Variants in KPNA2 observed in about 807,000 individuals in gnomAD.
KPNA2 encodes karyopherin subunit alpha 2.
Under a neutral mutation model 53.7 loss-of-function variants are expected in KPNA2, and 20 were observed. That is an observed-to-expected ratio of 0.37 (90% CI 0.26 to 0.54). KPNA2 has a LOEUF of 0.54. Ranked by LOEUF, KPNA2 falls within the 20% of genes least tolerant of loss-of-function variation. The pLI is 0.83. For synonymous variants in KPNA2, 238 were observed against 227.5 expected, an observed-to-expected ratio of 1.05 and a Z score of -0.42; for missense variants, 515 against 640.3, an observed-to-expected ratio of 0.80 and a Z score of 2.11.
At position 68,042,082 on chromosome 17, in the gene KPNA2, T is replaced by C; in HGVS notation, c.303-3T>C. 9 of 1,610,452 alleles carry C rather than the reference T, an allele frequency of 5.6e-6. No individual in the cohort carries two copies. The highest frequency in any genetic ancestry group is 7.6e-6 in the Non-Finnish European group (9 of 1,177,072). On this transcript the variant is annotated splice_polypyrimidine_tract_variant and splice_region_variant and intron_variant, in intron 4 of 10. Transcript: ENST00000330459. ...TTTTATTTCTCTTTTTGTTCCCCTT[T>C]AGGAAACTACTTTCCAGAGAAAAAC...
intron 3 of KPNA2, among the ~76,000 whole-genome samples, chr17:68,039,850 A>T (rs1293980036): frequency 3.3e-5 from 5 of 151,424 alleles, no homozygotes; most frequent in African/African-American, 1.2e-4. Context: ...AGGCAGGTGG[A>T]TCACCTGAGG....
chr17:68,043,004 G>GT lies in KPNA2; in HGVS notation c.666+7dup, dbSNP rs1468262261. 1 of 1,611,804 alleles carries GT rather than the reference G, an allele frequency of 6.2e-7. No homozygotes were observed. Among genetic ancestry groups the GT allele is most frequent in the Non-Finnish European group, 8.5e-7 (1 of 1,178,258 alleles). ...CCTGATATGTCATCTTTAGCAGTAA[G>GT]TTACTAACATGAGTAAAGTTACTCA... On this transcript the variant is annotated splice_donor_region_variant and intron_variant, in intron 6 of 10. Transcript: ENST00000330459.
intron 10 of KPNA2, 92 bp downstream of exon 10, chr17:68,046,013 C>A: frequency 2.5e-6 from 2 of 810,880 alleles, no homozygotes; most frequent in African/African-American, 1.7e-5. Flanking sequence ...AGTGTCATAT[C>A]TTTGTTAAAT....
intron 4 of KPNA2, 69 bp downstream of exon 4, chr17:68,040,835 G>T: frequency 2.5e-6 from 2 of 807,554 alleles, no homozygotes; most frequent in Non-Finnish European, 2.1e-6. Context: ...TTTGGGGGGT[G>T]GGGCAGGAAG....
intron 10 of KPNA2, 80 bp downstream of exon 10, chr17:68,046,001 TAA>T (rs1279914600): frequency 9.1e-6 from 8 of 877,338 alleles, no homozygotes; most frequent in Admixed American, 2.6e-5. Flanking sequence ...CTTTTAAAAA[TAA>T]GTGTCATATC....
At chr17:68,042,466 C>T in intron 5 of KPNA2, 113 bp downstream of exon 5, 1 of 1,125,704 alleles carries the variant, frequency 8.9e-7, no homozygotes, top group Non-Finnish European at 1.3e-6. Context: ...GCTTTCAAGC[C>T]CTTATTAGGA....
In KPNA2 at chr17:68,042,193, G is replaced by C; in HGVS notation, c.411G>C (p.Gln137His). Reference sequence around the variant, plus strand: ...GCAGAACTGATTGTAGTCCCATTCAGTTTGAATCTGCTTGGGCACTCACTA... The same window carrying C: ...GCAGAACTGATTGTAGTCCCATTCACTTTGAATCTGCTTGGGCACTCACTA... Reference protein sequence around the residue: ...FLGRTDCSPIQFESAWALTNI... With the variant: ...FLGRTDCSPIHFESAWALTNI... Residue 137 changes from glutamine to histidine, a missense_variant, in exon 5 of 11, where the codon CAG (glutamine) becomes CAC (histidine). Transcript: ENST00000330459. 1.2e-6 allele frequency: 2 copies of C among 1,614,004 alleles called. No homozygotes were observed. Among genetic ancestry groups the C allele is most frequent in the Non-Finnish European group, 1.7e-6 (2 of 1,179,914 alleles).
intron 10 of KPNA2, among the ~76,000 whole-genome samples, 164 bp from the exon 11 acceptor site, chr17:68,046,338 CAA>C (rs1439562462): frequency 6.6e-6 from 1 of 152,090 alleles, no homozygotes; most frequent in Admixed American, 6.6e-5. Flanking sequence ...TATGAATTGG[CAA>C]AGTTTCAGAG....
chr17:68,040,853 C>T (rs1358614154), intron 4 of KPNA2, 87 bp downstream of exon 4: 1 of 804,990 alleles, frequency 1.2e-6, no homozygotes, highest in African/African-American at 1.7e-5. Flanking sequence ...AAGGGACAGA[C>T]AGATAGTACA....
At chr17:68,046,371 A>G (rs1555705415) in intron 10 of KPNA2, 133 bp from the exon 11 acceptor site, 1 of 566,318 alleles carries the variant, frequency 1.8e-6, no homozygotes, top group African/African-American at 1.9e-5. Context: ...CTCTATGTCA[A>G]ATACTATAAT....
At chr17:68,038,159 T>C (rs1555704035) in intron 3 of KPNA2, among the ~76,000 whole-genome samples, 1 of 152,194 alleles carries the variant, frequency 6.6e-6, no homozygotes, top group African/African-American at 2.4e-5. Context: ...GTATTTTTAG[T>C]AGAGACGGTG....
rs150510470 is a variant in KPNA2 at position 68,045,151 on chromosome 17, G to A, written c.1348-621G>A. Among the ~76,000 whole-genome samples the A allele has an allele frequency of 3.6e-3, 538 of 150,900 alleles. 2 individuals are homozygous for A. Among genetic ancestry groups the A allele is most frequent in the African/African-American group, 0.012 (507 of 41,170 alleles). ...TGGATGCTAGCGTATCTGTTACTGT[G>A]TATAAATAATTTGTCAGTATGTGGC... On this transcript the variant is annotated intron_variant, in intron 9 of 10. Coordinates refer to ENST00000330459, the MANE Select transcript of KPNA2 (RefSeq NM_002266.4).
intron 7 of KPNA2, 96 bp from the exon 8 acceptor site, chr17:68,043,742 G>C: frequency 1.3e-6 from 1 of 756,228 alleles, no homozygotes; most frequent in Non-Finnish European, 2.3e-6. Flanking sequence ...GCCTATTTCA[G>C]GCCATGATGG....
intron 10 of KPNA2, among the ~76,000 whole-genome samples, chr17:68,046,235 C>T (rs2071328734): frequency 6.6e-6 from 1 of 152,138 alleles, no homozygotes; most frequent in African/African-American, 2.4e-5. Flanking sequence ...CATCACCATG[C>T]TCTGGGCCTA....
intron 4 of KPNA2, 67 bp downstream of exon 4, chr17:68,040,833 G>GT (rs2071252011): frequency 4.1e-6 from 4 of 971,290 alleles, no homozygotes; most frequent in African/African-American, 1.6e-5. Flanking sequence ...TTTTTGGGGG[G>GT]TGGGGCAGGA....
chr17:68,042,601 G>C (rs549116487), intron 5 of KPNA2, among the ~76,000 whole-genome samples: 1 of 152,034 alleles, frequency 6.6e-6, no homozygotes, highest in East Asian at 1.9e-4. Context: ...ATCTTGCCTC[G>C]GCCGGGCATG....
chr17:68,036,938 G>A (rs2071196767), intron 1 of KPNA2, 172 bp from the exon 2 acceptor site: 1 of 547,776 alleles, frequency 1.8e-6, no homozygotes, highest in African/African-American at 2.0e-5. Flanking sequence ...GAGGGAAGGG[G>A]GACACTTCCC....
At chr17:68,046,435 A>G (rs782246959) in intron 10 of KPNA2, 69 bp from the exon 11 acceptor site, 23 of 913,890 alleles carry the variant, frequency 2.5e-5, no homozygotes, top group Non-Finnish European at 3.8e-5. Flanking sequence ...GATTAAATAC[A>G]GACTTCAGGT....
Position 68,043,871 on chromosome 17 carries a change from A to G in KPNA2, c.964A>G (p.Thr322Ala). Residue 322 changes from threonine (T) to alanine (A), a missense_variant, in exon 8 of 11, where the codon ACT becomes GCT. Transcript: ENST00000330459. ...PALRAIGNIVTGTDEQTQVVI... is the reference protein window; with the variant it reads ...PALRAIGNIVAGTDEQTQVVI... ...CCTAAGAGCCATAGGGAATATTGTC[A>G]CTGGTACAGATGAACAGACTCAGGT... is the stretch of plus-strand genomic sequence containing the variant. 6.2e-7 allele frequency: 1 copy of G among 1,612,778 alleles called. No homozygotes were observed. Among genetic ancestry groups the G allele is most frequent in the Non-Finnish European group, 8.5e-7 (1 of 1,179,302 alleles).
Sources: gnomAD v4.1 joint callset for allele counts (sites outside exome capture counted in the v4.1 genomes callset) on GRCh38, gnomAD v4.1.1 for gene constraint, MANE v1.5 for transcripts, NCBI Gene and HGNC (gene_info 2026-07-23, HGNC 2026-07-21) for gene names.